The following VEGFB variants were observed in gnomAD, a reference collection of about 807,000 sequenced individuals.
VEGFB encodes the protein VEGF-related factor.
Under a neutral mutation model 22.5 loss-of-function variants are expected in VEGFB, and 24 were observed. The observed-to-expected ratio is 1.07, with a 90% CI of 0.77 to 1.50. The LOEUF is 1.50. VEGFB is among the 40% of genes most tolerant of loss of function. The probability of loss-of-function intolerance (pLI) is 0.00; values close to 1 mark genes in which losing one functional copy is unlikely to be tolerated. For synonymous variants in VEGFB, 141 were observed against 117.4 expected (o/e 1.20, Z -1.30); for missense variants, 327 against 287.8 (o/e 1.14, Z -0.99).
At position 64,235,451 on chromosome 11, in the gene VEGFB, C is replaced by T. The variant is rs1369811138; in HGVS notation, c.61-7C>T. The stretch of plus-strand genomic sequence containing the variant: ...TACCTTGGGTACAGGTCTTTTCTCT[C>T]CCACAGGCCCCTGTCTCCCAGCCTG... On this transcript the variant is annotated splice_region_variant and splice_polypyrimidine_tract_variant and intron_variant, in intron 1 of 6. Coordinates refer to ENST00000309422, the MANE Select transcript of VEGFB (RefSeq NM_003377.5). 7 of 1,613,708 alleles carry T rather than the reference C, an allele frequency of 4.3e-6. No homozygotes were observed. Among genetic ancestry groups the T allele is most frequent in the East Asian group, 4.5e-5 (2 of 44,898 alleles).
chr11:64,234,770 CGCCCCCCGCGCCGCCGGG>C lies in VEGFB; in HGVS notation c.-63_-46del. 1 of 774,208 alleles carries C rather than the reference CGCCCCCCGCGCCGCCGGG, an allele frequency of 1.3e-6. No homozygotes were observed. Among genetic ancestry groups the C allele is most frequent in the Non-Finnish European group, 1.6e-6 (1 of 636,054 alleles). The allele number at this position is 774,208 out of a possible 1,614,324, so 48.0% of individuals were successfully genotyped here. On this transcript the variant is annotated 5_prime_UTR_variant, in exon 1 of 7. Transcript: ENST00000309422. This position sits in a 1 kb window ranked among gnomAD's most constrained non-coding sequence, Gnocchi z 5.3. ...CGCGCCATGGGGCTCTGGCTGTCGC[CGCCCCCCGCGCCGCCGGG>C]CTAGGGCGATGCGGGCGCCCCCGGC...
intron 4 of VEGFB, among the ~76,000 whole-genome samples, chr11:64,236,928 C>A (rs919158170): frequency 1.4e-5 from 2 of 145,006 alleles, no homozygotes; most frequent in South Asian, 2.3e-4. Flanking sequence ...AAAAAAAATA[C>A]AAAAATTAGC....
rs141940517 is a variant in VEGFB, at chr11:64,235,315, C to T, written c.61-143C>T. 907 of 784,010 alleles carry T rather than the reference C, an allele frequency of 1.2e-3. 5 individuals are homozygous for T. The African/African-American group carries it at 0.014, about 12-fold the overall frequency. The allele number at this position is 784,010 out of a possible 1,614,324, so 48.6% of individuals were successfully genotyped here. A position where few individuals can be genotyped will look rare whatever the true frequency, so the allele number is the denominator to read the frequency against. ...CAGGAGAGGACAGGTAAAGCTAGAG[C>T]AGTGGCCGCAGGAACAGAGCAATCT... On this transcript the variant is annotated intron_variant, in intron 1 of 6. Transcript: ENST00000309422.
Position 64,237,458 on chromosome 11 carries a change from T to TTCCGGGC in VEGFB, c.451_457dup (p.Trp153SerfsTer14). 1.2e-6 allele frequency: 2 copies of TTCCGGGC among 1,611,446 alleles called. No individual in the cohort carries two copies. The highest frequency in any genetic ancestry group is 2.2e-5 in the South Asian group (2 of 90,966). ...CACCACCGTCCCCAGCCCCGTTCTG[T>TTCCGGGC]TCCGGGCTGGGACTCTGCCCCCGGA... On this transcript the variant is annotated frameshift_variant, in exon 6 of 7. Transcript: ENST00000309422. LOFTEE classifies it high-confidence loss of function.
intron 1 of VEGFB, 55 bp from the exon 2 acceptor site, chr11:64,235,403 C>G: frequency 1.3e-6 from 2 of 1,557,466 alleles, no homozygotes; most frequent in South Asian, 2.2e-5. Context: ...GGGACGGTGA[C>G]AGGGCCACAC....
rs2030222520 is a variant in VEGFB at position 64,237,908 on chromosome 11, C to T, written c.*22+253C>T. On this transcript the variant is annotated intron_variant, in intron 6 of 6. Coordinates refer to ENST00000309422, the MANE Select transcript of VEGFB (RefSeq NM_003377.5). The stretch of plus-strand genomic sequence containing the variant: ...AAGGGCTGTGGTGAGGGGTACCTGG[C>T]CTCGTCTTTCAGAGGTCAGAGATCT... 7 of 503,730 alleles carry T rather than the reference C, an allele frequency of 1.4e-5. No homozygotes were observed. In the East Asian group the frequency reaches 2.2e-4, roughly 16 times the overall value. The allele number at this position is 503,730 out of a possible 1,614,324, so 31.2% of individuals were successfully genotyped here.
rs931882940 is a variant in VEGFB at position 64,234,728 on chromosome 11, C to G, written c.-106C>G. The G allele has an allele frequency of 7.1e-6, 2 of 283,432 alleles. No individual in the cohort carries two copies. The highest frequency in any genetic ancestry group is 1.0e-5 in the Non-Finnish European group (2 of 191,538). 17.6% of individuals were successfully genotyped at this position (283,432 alleles called of 1,614,324 possible). A position where few individuals can be genotyped will look rare whatever the true frequency, so the allele number is the denominator to read the frequency against. On this transcript the variant is annotated 5_prime_UTR_variant, in exon 1 of 7. Transcript: ENST00000309422. The surrounding 1 kb of genome is among the most constrained non-coding windows in gnomAD (Gnocchi z 5.3). ...AGTCGCCCCCCGCGCCCGGCCCCCGCCCGCCGCGCCCGGGCCCGCGCCATG... is the reference window on the plus strand; with the variant it reads ...AGTCGCCCCCCGCGCCCGGCCCCCGGCCGCCGCGCCCGGGCCCGCGCCATG...
chr11:64,236,835 T>C (rs1275399711), intron 4 of VEGFB, among the ~76,000 whole-genome samples: 1 of 149,102 alleles, frequency 6.7e-6, no homozygotes. Flanking sequence ...TCCCAGCACT[T>C]TGGGAGGCCC....
chr11:64,237,964 A>C, intron 6 of VEGFB: 3 of 485,190 alleles, frequency 6.2e-6, no homozygotes, highest in Non-Finnish European at 1.1e-5. Flanking sequence ...CCCGGAGTAG[A>C]AATGTAGGAC....
rs1294794576 is a variant in VEGFB at position 64,238,742 on chromosome 11, G to T, written c.*409G>T. The T allele has an allele frequency of 3.2e-6, 1 of 312,632 alleles. No homozygotes were observed. The highest frequency in any genetic ancestry group is 3.6e-5 in the South Asian group (1 of 27,470). The allele number at this position is 312,632 out of a possible 1,614,324, so 19.4% of individuals were successfully genotyped here. Reference sequence around the variant, plus strand: ...CTCTGCATAATGGGATTTGGGCTTTGGTACAAGAACTGTGACCCCCAACCC... The same window carrying T: ...CTCTGCATAATGGGATTTGGGCTTTTGTACAAGAACTGTGACCCCCAACCC... On this transcript the variant is annotated 3_prime_UTR_variant, in exon 7 of 7. Coordinates refer to ENST00000309422, the MANE Select transcript of VEGFB (RefSeq NM_003377.5).
At chr11:64,237,724 T>C in intron 6 of VEGFB, 69 bp downstream of exon 6, 3 of 1,375,116 alleles carry the variant, frequency 2.2e-6, no homozygotes, top group Non-Finnish European at 2.9e-6. Context: ...AGGTCCAGGG[T>C]GAGCCTGCCA....
Position 64,238,341 on chromosome 11 carries a change from T to C in VEGFB, c.*23-15T>C, listed in dbSNP as rs1368243312. 19 of 1,536,000 alleles carry C rather than the reference T, an allele frequency of 1.2e-5. No individual in the cohort carries two copies. The highest frequency in any genetic ancestry group is 1.5e-5 in the Non-Finnish European group (17 of 1,146,852). ...GCTCCAGCCAGCATGAACAGATCAC[T>C]TCCTCCCTCCTCAGGTGCCGGAAGC... On this transcript the variant is annotated splice_polypyrimidine_tract_variant and intron_variant, in intron 6 of 6. Transcript: ENST00000309422.
chr11:64,235,022 G>T, intron 1 of VEGFB, 129 bp downstream of exon 1: 1 of 757,522 alleles, frequency 1.3e-6, no homozygotes, highest in Non-Finnish European at 1.8e-6. Context: ...CGGGCGTCTC[G>T]GGGGCCCGGC....
intron 2 of VEGFB, 120 bp downstream of exon 2, chr11:64,235,620 T>C (rs928582400): frequency 2.7e-5 from 35 of 1,304,870 alleles, no homozygotes; most frequent in Admixed American, 2.5e-4. Context: ...ATTCTACCCA[T>C]TTCACAGAGG....
At chr11:64,236,590 A>G (rs1203614733) in intron 4 of VEGFB, among the ~76,000 whole-genome samples, 2 of 151,390 alleles carry the variant, frequency 1.3e-5, no homozygotes, top group African/African-American at 4.9e-5. Context: ...GGTGGCGGGC[A>G]CCTGTAGTCC....
rs1314117250 is a variant in VEGFB at position 64,236,335 on chromosome 11, C to G, written c.374+8C>G. 6.2e-7 allele frequency: 1 copy of G among 1,613,248 alleles called. No individual in the cohort carries two copies. Among genetic ancestry groups the G allele is most frequent in the East Asian group, 2.2e-5 (1 of 44,890 alleles). On this transcript the variant is annotated splice_region_variant and intron_variant, in intron 4 of 6. Coordinates refer to ENST00000309422, the MANE Select transcript of VEGFB (RefSeq NM_003377.5). ...CAGCCAGTGTGAATGCAGGTGCCAG[C>G]CAGGCCCAACTTCTGAGCTCGCAGA... is the stretch of plus-strand genomic sequence containing the variant.
In VEGFB at chr11:64,234,967, C is replaced by T; in HGVS notation, c.60+74C>T. The T allele has an allele frequency of 8.3e-7, 1 of 1,200,720 alleles. No individual in the cohort carries two copies. Among genetic ancestry groups the T allele is most frequent in the Non-Finnish European group, 1.1e-6 (1 of 948,634 alleles). The allele number at this position is 1,200,720 out of a possible 1,614,324, so 74.4% of individuals were successfully genotyped here. A position where few individuals can be genotyped will look rare whatever the true frequency, so the allele number is the denominator to read the frequency against. ...AAGGTTGGCGGAAGTGAGGAGGCGA[C>T]CCGCGGCCTCGGCCGAGGGGATCTG... On this transcript the variant is annotated intron_variant, in intron 1 of 6. Transcript: ENST00000309422. This position sits in a 1 kb window ranked among gnomAD's most constrained non-coding sequence, Gnocchi z 5.3.
chr11:64,237,125 A>C lies in VEGFB; in HGVS notation c.375-62A>C, dbSNP rs202121661. 1.4e-3 allele frequency: 972 copies of C among 680,410 alleles called. 53 individuals are homozygous for C. In the African/African-American group the frequency reaches 0.021, roughly 14 times the overall value. The allele number at this position is 680,410 out of a possible 1,614,324, so 42.1% of individuals were successfully genotyped here. ...AGAGAGAGAGAGAGAGAGAGAGAGTAGGATGCTGGGATTTCCTGATCTTCC... is the reference window on the plus strand; with the variant it reads ...AGAGAGAGAGAGAGAGAGAGAGAGTCGGATGCTGGGATTTCCTGATCTTCC... On this transcript the variant is annotated intron_variant, in intron 4 of 6. Coordinates refer to ENST00000309422, the MANE Select transcript of VEGFB (RefSeq NM_003377.5).
In VEGFB at chr11:64,238,470, C is replaced by A; in HGVS notation, c.*137C>A. 6.7e-7 allele frequency: 1 copy of A among 1,489,706 alleles called. No homozygotes were observed. Among genetic ancestry groups the A allele is most frequent in the South Asian group, 1.2e-5 (1 of 82,984 alleles). 92.3% of individuals were successfully genotyped at this position (1,489,706 alleles called of 1,614,324 possible). On this transcript the variant is annotated 3_prime_UTR_variant, in exon 7 of 7. Transcript: ENST00000309422. ...GGAGCCTGGTAAAAAACAGCCAAGC[C>A]CCCAAGACCTCAGCCCAGGCAGAAG...
Sources: allele counts gnomAD v4.1 joint callset (sites outside exome capture counted in the v4.1 genomes callset), GRCh38; gene constraint gnomAD v4.1.1; non-coding constraint Gnocchi (gnomAD v3.1); transcripts MANE v1.5; gene names NCBI Gene and HGNC (gene_info 2026-07-23, HGNC 2026-07-21).